Variants in C5 observed in about 807,000 individuals in gnomAD.
The protein encoded by C5 is C3 and PZP-like alpha-2-macroglobulin domain-containing protein 4.
C5 carries 140 observed loss-of-function variants against 218.8 expected under a neutral mutation model. The observed-to-expected ratio is 0.64, with a 90% CI of 0.56 to 0.74. The LOEUF (loss-of-function observed/expected upper bound fraction) is 0.74. C5 is among the 30% of genes least tolerant of loss of function. C5 has a pLI of 0.00. For synonymous variants in C5, 614 were observed against 682.3 expected (o/e 0.90, Z 1.56); for missense variants, 1,700 against 1,969.6 (o/e 0.86, Z 2.59).
chr9:120,996,340 T>A, intron 21 of C5, 40 bp from the exon 22 acceptor site: 2 of 1,540,170 alleles, frequency 1.3e-6, no homozygotes, highest in South Asian at 2.2e-5. Flanking sequence ...AAAACATAAG[T>A]TTATATAACC....
At chr9:120,953,024 C>A (rs1183141613) in intron 40 of C5, among the ~76,000 whole-genome samples, 156 bp from the exon 41 acceptor site, 5 of 152,120 alleles carry the variant, frequency 3.3e-5, no homozygotes, top group African/African-American at 1.2e-4. Flanking sequence ...CTCGGGTTCA[C>A]GCCATTCTCC....
At chr9:120,992,152 T>C (rs981532530) in intron 22 of C5, among the ~76,000 whole-genome samples, 2 of 152,234 alleles carry the variant, frequency 1.3e-5, no homozygotes, top group Admixed American at 6.5e-5. Flanking sequence ...CCCTGGCATA[T>C]GGAAGATGCT....
chr9:120,953,858 A>C lies in C5; in HGVS notation c.4773T>G (p.Val1591=). ...LLDIYKTGEA[V]AEKDSEITFI... is the part of the protein sequence containing the mutation. ...AGGTAATCTCAGAGTCTTTCTCAGCAACAGCTTCCCCTGAGAGACATGCAA... is the reference window on the plus strand; with the variant it reads ...AGGTAATCTCAGAGTCTTTCTCAGCCACAGCTTCCCCTGAGAGACATGCAA... Residue 1591 remains valine, a synonymous_variant, in exon 40 of 41, where the codon GTT becomes GTG. Coordinates refer to ENST00000223642, the MANE Select transcript of C5 (RefSeq NM_001735.3). The C allele has an allele frequency of 6.2e-7, 1 of 1,614,072 alleles. No individual in the cohort carries two copies. Among genetic ancestry groups the C allele is most frequent in the African/African-American group, 1.3e-5 (1 of 75,056 alleles).
chr9:121,008,083 T>C (rs1334158827), intron 18 of C5, among the ~76,000 whole-genome samples: 3 of 152,194 alleles, frequency 2.0e-5, no homozygotes, highest in Non-Finnish European at 1.5e-5. Flanking sequence ...GTTTGTTTTA[T>C]AGTACAGATA....
chr9:121,007,636 C>T (rs564861735), intron 18 of C5, among the ~76,000 whole-genome samples: 3 of 152,306 alleles, frequency 2.0e-5, no homozygotes, highest in African/African-American at 4.8e-5. Context: ...GAATTTAGTT[C>T]ATGCCTTTGA....
intron 20 of C5, among the ~76,000 whole-genome samples, chr9:121,002,222 A>ACG (rs372983283): frequency 0.13 from 11,016 of 85,148 alleles, 532 homozygotes; most frequent in South Asian, 0.23. Context: ...ATACGTATAT[A>ACG]TATATATGTA....
intron 33 of C5, among the ~76,000 whole-genome samples, chr9:120,966,860 G>A (rs756691994): frequency 3.9e-5 from 6 of 152,128 alleles, no homozygotes; most frequent in Non-Finnish European, 4.4e-5. Flanking sequence ...CCTAAGAAGC[G>A]ATTGGGCTTG....
the C5 span, among the ~76,000 whole-genome samples, chr9:121,058,082 G>A: frequency 0.1 from 15,789 of 152,258 alleles, 852 homozygotes; most frequent in African/African-American, 0.13. Context: ...GAGATTTTAT[G>A]AGACTCAGAC....
intron 2 of C5, among the ~76,000 whole-genome samples, chr9:121,044,249 C>T (rs992538700): frequency 2.0e-5 from 3 of 152,010 alleles, no homozygotes; most frequent in Non-Finnish European, 2.9e-5. Context: ...CCGAGGCGGG[C>T]GGATCACCTG....
chr9:120,963,224 C>T (rs1409630972), intron 34 of C5, among the ~76,000 whole-genome samples: 1 of 152,176 alleles, frequency 6.6e-6, no homozygotes, highest in Non-Finnish European at 1.5e-5. Context: ...AATATTCTGG[C>T]CAGGCCTGGT....
Position 120,952,599 on chromosome 9 carries a change from A to G in C5, c.*140T>C, listed in dbSNP as rs1263694109. 1 of 773,824 alleles carries G rather than the reference A, an allele frequency of 1.3e-6. No homozygotes were observed. Among genetic ancestry groups the G allele is most frequent in the Non-Finnish European group, 2.1e-6 (1 of 477,542 alleles). 47.9% of individuals were successfully genotyped at this position (773,824 alleles called of 1,614,324 possible). ...TTTGAAATCATTCTCTAATAAAAGC[A>G]AGTGCCACTAATTCTAAGTAAAGTG... is the stretch of plus-strand genomic sequence containing the variant. On this transcript the variant is annotated 3_prime_UTR_variant, in exon 41 of 41. Transcript: ENST00000223642.
intron 12 of C5, 47 bp from the exon 13 acceptor site, chr9:121,017,899 A>T: frequency 8.1e-7 from 1 of 1,237,054 alleles, no homozygotes; most frequent in Non-Finnish European, 1.2e-6. Context: ...ATAAACAAAC[A>T]AAAACAAAAC....
At chr9:121,074,625 A>G in the C5 span, 61 of 361,440 alleles carry the variant, frequency 1.7e-4, no homozygotes, top group East Asian at 4.1e-3. Context: ...CCTCGGACAC[A>G]GGCCCTGAGA....
intron 32 of C5, among the ~76,000 whole-genome samples, chr9:120,969,883 C>CA (rs1244607778): frequency 6.6e-6 from 1 of 152,192 alleles, no homozygotes; most frequent in Non-Finnish European, 1.5e-5. Context: ...TGTGGCTTTA[C>CA]AACTAGTTAC....
At chr9:121,003,674 AG>A (rs963453768) in intron 20 of C5, among the ~76,000 whole-genome samples, 2 of 152,224 alleles carry the variant, frequency 1.3e-5, no homozygotes, top group Non-Finnish European at 1.5e-5. Flanking sequence ...ATATTGATAA[AG>A]GGGTAATAAA....
chr9:121,052,243 G>C (rs1400329845), upstream of C5, among the ~76,000 whole-genome samples: 4 of 151,988 alleles, frequency 2.6e-5, no homozygotes, highest in African/African-American at 7.3e-5. Context: ...GATCACCTGA[G>C]GTCAAGAGTT....
chr9:121,047,095 CT>C (rs1279366754), intron 1 of C5, among the ~76,000 whole-genome samples: 1 of 152,164 alleles, frequency 6.6e-6, no homozygotes, highest in Admixed American at 6.5e-5. Context: ...TAATTAAGTA[CT>C]TGCCACATAT....
chr9:120,997,806 A>T, intron 20 of C5, 32 bp from the exon 21 acceptor site: 2 of 1,561,116 alleles, frequency 1.3e-6, no homozygotes, highest in South Asian at 2.3e-5. Context: ...ATATCAAAAT[A>T]CATTTTTTTT....
At chr9:121,061,761 G>A in the C5 span, among the ~76,000 whole-genome samples, 3 of 152,146 alleles carry the variant, frequency 2.0e-5, no homozygotes, top group Non-Finnish European at 4.4e-5. Flanking sequence ...TACACCATTT[G>A]TATGTCATAG....
Sources: gnomAD v4.1 joint callset for allele counts (sites outside exome capture counted in the v4.1 genomes callset) on GRCh38, gnomAD v4.1.1 for gene constraint, MANE v1.5 for transcripts, NCBI Gene and HGNC (gene_info 2026-07-23, HGNC 2026-07-21) for gene names.